The following ZNF750 variants were observed in gnomAD, a reference collection of about 807,000 sequenced individuals.
ZNF750 encodes the protein zinc finger protein 750, also known as protein ZNF750.
In ZNF750, 10 loss-of-function variants were observed where a neutral mutation model predicts 31.6. The ratio of observed to expected loss-of-function variants is 0.32; its 90% CI spans 0.19 to 0.54. The LOEUF (loss-of-function observed/expected upper bound fraction) is 0.54, where lower values mean the gene tolerates loss of function less well. Among genes scored for constraint, ZNF750 ranks in the 20% least tolerant of loss-of-function variants. The pLI, the probability that ZNF750 is intolerant of heterozygous loss-of-function variation, is 0.95. For missense variants in ZNF750, 914 were observed against 934.9 expected (o/e 0.98, Z 0.29); for synonymous variants, 400 against 404.9 (o/e 0.99, Z 0.15).
intron 1 of ZNF750, among the ~76,000 whole-genome samples, chr17:82,836,459 C>T (rs528411159): frequency 7.2e-5 from 11 of 152,330 alleles, no homozygotes; most frequent in African/African-American, 1.4e-4. Flanking sequence ...GAGACCGAAA[C>T]GCCGCCTCTA....
intron 1 of ZNF750, among the ~76,000 whole-genome samples, chr17:82,837,324 C>T (rs930677113): frequency 6.6e-5 from 10 of 152,172 alleles, no homozygotes; most frequent in Non-Finnish European, 1.3e-4. Context: ...CAGTTTCTAC[C>T]AGCCCGACTT....
chr17:82,838,972 TCTC>T (rs2054224409), intron 1 of ZNF750: 1 of 985,198 alleles, frequency 1.0e-6, no homozygotes, highest in South Asian at 4.7e-5. Context: ...CAGTAATTGT[TCTC>T]CTCCAAATCA....
Position 82,830,711 on chromosome 17 carries a change from T to C in ZNF750, c.1603A>G (p.Ser535Gly). 6.2e-7 allele frequency: 1 copy of C among 1,614,118 alleles called. No individual in the cohort carries two copies. Among genetic ancestry groups the C allele is most frequent in the Non-Finnish European group, 8.5e-7 (1 of 1,180,030 alleles). The change falls in exon 3 of 3, where the codon AGC becomes GGC. Residue 535 changes from serine to glycine, a missense_variant. Transcript: ENST00000269394. ...AATHEPTYQG[S>G]PQAETASFSE... ...AAGCTGGCGGTTTCCGCCTGGGGGC[T>C]GCCTTGGTACGTGGGTTCGTGGGTG...
rs1456552953 is a variant in ZNF750, at chr17:82,835,687, A to G, written c.-182-3051T>C. On this transcript the variant is annotated intron_variant, in intron 1 of 2. Coordinates refer to ENST00000269394, the MANE Select transcript of ZNF750 (RefSeq NM_024702.3). The surrounding 1 kb of genome is among the most constrained non-coding windows in gnomAD (Gnocchi z 4.5). ...CGATCTGCCCGCCTCAGCCTCCCAAAGTGCTGGGATTACAGGCATGAGCCA... is the reference window on the plus strand; with the variant it reads ...CGATCTGCCCGCCTCAGCCTCCCAAGGTGCTGGGATTACAGGCATGAGCCA... Among the ~76,000 whole-genome samples the G allele has an allele frequency of 6.6e-6, 1 of 152,114 alleles. No homozygotes were observed. Among genetic ancestry groups the G allele is most frequent in the Non-Finnish European group, 1.5e-5 (1 of 68,016 alleles).
chr17:82,833,215 C>T lies in ZNF750; in HGVS notation c.-182-579G>A, dbSNP rs917719946. Among the ~76,000 whole-genome samples the T allele has an allele frequency of 1.3e-4, 20 of 152,120 alleles. No homozygotes were observed. The highest frequency in any genetic ancestry group is 1.8e-4 in the Non-Finnish European group (12 of 67,968). On this transcript the variant is annotated intron_variant, in intron 1 of 2. Transcript: ENST00000269394. This position sits in a 1 kb window ranked among gnomAD's most constrained non-coding sequence, Gnocchi z 4.7. ...TTTACACAGAGCGTGGGCTGGCCAC[C>T]GTCTACTTGCTCCTACCTGCTGGCT...
chr17:82,832,557 C>G lies in ZNF750; in HGVS notation c.-103G>C. ...AAAGAGGCACCTCCCGCTTTGCTTT[C>G]TTTCCCGATCACTTCTATCAGAAGC... On this transcript the variant is annotated 5_prime_UTR_variant, in exon 2 of 3. Coordinates refer to ENST00000269394, the MANE Select transcript of ZNF750 (RefSeq NM_024702.3). The surrounding 1 kb of genome is among the most constrained non-coding windows in gnomAD (Gnocchi z 4.9). 1 of 1,049,582 alleles carries G rather than the reference C, an allele frequency of 9.5e-7. No individual in the cohort carries two copies. The highest frequency in any genetic ancestry group is 1.4e-6 in the Non-Finnish European group (1 of 694,530). The allele number at this position is 1,049,582 out of a possible 1,614,324, so 65.0% of individuals were successfully genotyped here.
Position 82,831,256 on chromosome 17 carries a change from A to T in ZNF750, c.1199T>A (p.Met400Lys). 6.2e-7 allele frequency: 1 copy of T among 1,613,832 alleles called. No individual in the cohort carries two copies. Among genetic ancestry groups the T allele is most frequent in the Non-Finnish European group, 8.5e-7 (1 of 1,180,022 alleles). ...AGQRDTEGSK[M>K]SPRAGSAATG... ...GGCTGCACTCCCTGCGCGGGGGCTCATTTTGGACCCTTCCGTGTCTCTCTG... is the reference window on the plus strand; with the variant it reads ...GGCTGCACTCCCTGCGCGGGGGCTCTTTTTGGACCCTTCCGTGTCTCTCTG... Residue 400 changes from methionine (M) to lysine (K), a missense_variant, in exon 2 of 3, where the codon ATG (methionine) becomes AAG (lysine). This residue lies in a region of ZNF750 where 880 missense variants were observed against 868.9 expected (regional missense o/e 1.01). Coordinates refer to ENST00000269394, the MANE Select transcript of ZNF750 (RefSeq NM_024702.3). This position sits in a 1 kb window ranked among gnomAD's most constrained non-coding sequence, Gnocchi z 4.6.
In ZNF750 at chr17:82,830,461, G is replaced by A. The variant is rs1737498771; in HGVS notation, c.1853C>T (p.Ala618Val). The change falls in exon 3 of 3, where the codon GCT becomes GTT. Residue 618 changes from alanine to valine, a missense_variant. Coordinates refer to ENST00000269394, the MANE Select transcript of ZNF750 (RefSeq NM_024702.3). Reference protein sequence around the residue: ...GAPPTGPGEEAPDACAVDSSE... With the variant: ...GAPPTGPGEEVPDACAVDSSE... ...GCTGTCCACCGCGCATGCGTCTGGA[G>A]CCTCCTCGCCGGGGCCTGTGGGTGG... 2 of 1,612,690 alleles carry A rather than the reference G, an allele frequency of 1.2e-6. No individual in the cohort carries two copies. Among genetic ancestry groups the A allele is most frequent in the Non-Finnish European group, 1.7e-6 (2 of 1,179,760 alleles).
At position 82,829,980 on chromosome 17, in the gene ZNF750, C is replaced by T; in HGVS notation, c.*162G>A. The T allele has an allele frequency of 8.3e-7, 1 of 1,200,494 alleles. No homozygotes were observed. The highest frequency in any genetic ancestry group is 1.1e-6 in the Non-Finnish European group (1 of 874,990). 74.4% of individuals were successfully genotyped at this position (1,200,494 alleles called of 1,614,324 possible). The stretch of plus-strand genomic sequence containing the variant: ...TATTCATGCTTAATATTTATAAAAA[C>T]TGAATTGGAGGGTTTTTTGTTTGTT... On this transcript the variant is annotated 3_prime_UTR_variant, in exon 3 of 3. Transcript: ENST00000269394.
rs1451223353 is a variant in ZNF750 at position 82,831,972 on chromosome 17, T to C, written c.483A>G (p.Ala161=). ...GTCTGTGCTCGCCGACTGGAACAAA[T>C]GCAGAAGGCCGAGCTGCGCCTTCCA... is the stretch of plus-strand genomic sequence containing the variant. ...PALEGAARPS[A]FVPVGEHRLK... The change falls in exon 2 of 3, where the codon GCA becomes GCG. Residue 161 remains alanine, a synonymous_variant. Transcript: ENST00000269394. This position sits in a 1 kb window ranked among gnomAD's most constrained non-coding sequence, Gnocchi z 4.6. 6.2e-7 allele frequency: 1 copy of C among 1,613,622 alleles called. No individual in the cohort carries two copies. The highest frequency in any genetic ancestry group is 1.7e-5 in the Admixed American group (1 of 60,016).
intron 1 of ZNF750, chr17:82,838,950 A>G (rs2145410775): frequency 6.1e-6 from 6 of 985,430 alleles, no homozygotes; most frequent in Non-Finnish European, 7.2e-6. Flanking sequence ...ATGTGGACGG[A>G]CTGTGCTTGG....
At chr17:82,839,601 G>A (rs531037680) in intron 1 of ZNF750, among the ~76,000 whole-genome samples, 144 of 152,278 alleles carry the variant, frequency 9.5e-4, no homozygotes, top group African/African-American at 2.7e-3. Context: ...AGCATTTATT[G>A]TAGTTTGTTT....
chr17:82,834,632 G>A (rs1419711286), intron 1 of ZNF750, among the ~76,000 whole-genome samples: 4 of 151,802 alleles, frequency 2.6e-5, no homozygotes, highest in East Asian at 1.9e-4. Flanking sequence ...AAAACCAAAC[G>A]TGCATGGTCT....
At position 82,831,358 on chromosome 17, in the gene ZNF750, T is replaced by C; in HGVS notation, c.1097A>G (p.Asn366Ser). 1 of 1,614,018 alleles carries C rather than the reference T, an allele frequency of 6.2e-7. No individual in the cohort carries two copies. Among genetic ancestry groups the C allele is most frequent in the Non-Finnish European group, 8.5e-7 (1 of 1,179,998 alleles). Residue 366 changes from asparagine to serine, a missense_variant, in exon 2 of 3, where the codon AAC becomes AGC. Transcript: ENST00000269394. This position sits in a 1 kb window ranked among gnomAD's most constrained non-coding sequence, Gnocchi z 4.6. Reference sequence around the variant, plus strand: ...GTGTTTTCTGTTGGGGTCCGAAGGGTTTAACCTGGAAGGACTCGAGGCTGG... The same window carrying C: ...GTGTTTTCTGTTGGGGTCCGAAGGGCTTAACCTGGAAGGACTCGAGGCTGG... The part of the protein sequence containing the change: ...VYPASSPSRL[N>S]PSDPNRKHVE...
chr17:82,834,551 A>T (rs2053801292), intron 1 of ZNF750, among the ~76,000 whole-genome samples: 1 of 152,186 alleles, frequency 6.6e-6, no homozygotes, highest in African/African-American at 2.4e-5. Context: ...AAGGAACGCG[A>T]TCATGTCCTT....
At position 82,831,356 on chromosome 17, in the gene ZNF750, G is replaced by T. The variant is rs530074419; in HGVS notation, c.1099C>A (p.Pro367Thr). Residue 367 changes from proline (P) to threonine (T), a missense_variant, in exon 2 of 3, where the codon CCT (proline) becomes ACT (threonine). Physicochemically the swap from Pro to Thr is conservative, Grantham distance 38. Transcript: ENST00000269394. This position sits in a 1 kb window ranked among gnomAD's most constrained non-coding sequence, Gnocchi z 4.6. Reference protein sequence around the residue: ...YPASSPSRLNPSDPNRKHVEF... With the variant: ...YPASSPSRLNTSDPNRKHVEF... Reference sequence around the variant, plus strand: ...ACGTGTTTTCTGTTGGGGTCCGAAGGGTTTAACCTGGAAGGACTCGAGGCT... The same window carrying T: ...ACGTGTTTTCTGTTGGGGTCCGAAGTGTTTAACCTGGAAGGACTCGAGGCT... 10 of 1,614,004 alleles carry T rather than the reference G, an allele frequency of 6.2e-6. No homozygotes were observed. The highest frequency in any genetic ancestry group is 8.5e-6 in the Non-Finnish European group (10 of 1,180,036).
intron 1 of ZNF750, among the ~76,000 whole-genome samples, chr17:82,839,481 A>C (rs1330441427): frequency 6.6e-6 from 1 of 151,958 alleles, no homozygotes; most frequent in Non-Finnish European, 1.5e-5. Context: ...TACACCACAC[A>C]TATATATAAC....
In ZNF750 at chr17:82,831,548, C is replaced by A. The variant is rs34566230; in HGVS notation, c.907G>T (p.Asp303Tyr). 3.7e-6 allele frequency: 6 copies of A among 1,614,046 alleles called. No individual in the cohort carries two copies. Among genetic ancestry groups the A allele is most frequent in the Non-Finnish European group, 5.1e-6 (6 of 1,180,002 alleles). The change falls in exon 2 of 3, where the codon GAT (aspartate) becomes TAT (tyrosine). Residue 303 changes from aspartate to tyrosine, a missense_variant. Asp to Tyr is a radical substitution (Grantham distance 160). Coordinates refer to ENST00000269394, the MANE Select transcript of ZNF750 (RefSeq NM_024702.3). The surrounding 1 kb of genome is among the most constrained non-coding windows in gnomAD (Gnocchi z 4.6). ...TATTGCTGGAAAAACCTGTAGTGAT[C>A]GTATGTGGCTGGAGATGGAGCCAGG... The part of the protein sequence containing the change: ...KHLAPSPATY[D>Y]HYRFFQQYPS...
rs576891398 is a variant in ZNF750 at position 82,835,600 on chromosome 17, A to G, written c.-182-2964T>C. ...ACCACGCCCAGCTAATTTTTTTGTA[A>G]TTTTAGTAGAGATGGGGTTTCACTA... On this transcript the variant is annotated intron_variant, in intron 1 of 2. Transcript: ENST00000269394. This position sits in a 1 kb window ranked among gnomAD's most constrained non-coding sequence, Gnocchi z 4.5. Among the ~76,000 whole-genome samples, 2 of 151,264 alleles carry G rather than the reference A, an allele frequency of 1.3e-5. No homozygotes were observed. Among genetic ancestry groups the G allele is most frequent in the African/African-American group, 4.9e-5 (2 of 41,094 alleles).
Sources: gnomAD v4.1 joint callset for allele counts (sites outside exome capture counted in the v4.1 genomes callset) on GRCh38, gnomAD v4.1.1 for gene constraint, gnomAD v4.1.1 regional missense constraint, Gnocchi (gnomAD v3.1) non-coding constraint, MANE v1.5 for transcripts, NCBI Gene and HGNC (gene_info 2026-07-23, HGNC 2026-07-21) for gene names.